The following WDFY2 variants were observed in gnomAD, a reference collection of about 807,000 sequenced individuals.
WDFY2 encodes the protein WD repeat and FYVE domain-containing protein 2.
In WDFY2, 36 loss-of-function variants were observed where a neutral mutation model predicts 56.4. The ratio of observed to expected loss-of-function variants is 0.64; its 90% CI spans 0.49 to 0.84. The LOEUF (loss-of-function observed/expected upper bound fraction) is 0.84, where lower values mean the gene tolerates loss of function less well. Ranked by LOEUF, WDFY2 falls within the 40% of genes least tolerant of loss-of-function variation. The pLI is 0.00. For synonymous variants in WDFY2, 176 were observed against 183.7 expected, an observed-to-expected ratio of 0.96 and a Z score of 0.34; for missense variants, 444 against 512.2, an observed-to-expected ratio of 0.87 and a Z score of 1.29.
At chr13:51,652,868 T>A (rs1187847907) in intron 1 of WDFY2, among the ~76,000 whole-genome samples, 3 of 152,214 alleles carry the variant, frequency 2.0e-5, no homozygotes, top group Admixed American at 6.5e-5. Context: ...TTGGTGAATC[T>A]GATAATTATG....
chr13:51,757,098 G>T (rs1312061336), intron 10 of WDFY2, among the ~76,000 whole-genome samples: 1 of 152,174 alleles, frequency 6.6e-6, no homozygotes, highest in Non-Finnish European at 1.5e-5. Flanking sequence ...CTTACAGGAG[G>T]ATCTGCAGGG....
intron 2 of WDFY2, among the ~76,000 whole-genome samples, chr13:51,661,041 TA>T (rs1415306909): frequency 6.6e-6 from 1 of 152,238 alleles, no homozygotes; most frequent in Non-Finnish European, 1.5e-5. Flanking sequence ...CTTATTGTTA[TA>T]TCATTTATTC....
intron 1 of WDFY2, among the ~76,000 whole-genome samples, chr13:51,649,083 G>T (rs1436517993): frequency 6.6e-6 from 1 of 152,218 alleles, no homozygotes; most frequent in Non-Finnish European, 1.5e-5. Context: ...GGAGGTGGAG[G>T]TTGCAGTGAG....
intron 3 of WDFY2, among the ~76,000 whole-genome samples, chr13:51,690,545 A>G (rs930634431): frequency 1.3e-4 from 19 of 151,958 alleles, no homozygotes; most frequent in Non-Finnish European, 2.5e-4. Context: ...TTATGGCTGC[A>G]TAGTATTCCA....
chr13:51,748,600 G>A (rs935663151), intron 7 of WDFY2, among the ~76,000 whole-genome samples: 3 of 151,952 alleles, frequency 2.0e-5, no homozygotes, highest in Non-Finnish European at 4.4e-5. Flanking sequence ...CTTTTCACAC[G>A]TGAGTACTCC....
intron 1 of WDFY2, among the ~76,000 whole-genome samples, chr13:51,642,478 T>G (rs1480169948): frequency 6.6e-6 from 1 of 151,602 alleles, no homozygotes; most frequent in Non-Finnish European, 1.5e-5. Context: ...TTTGTATTTT[T>G]GTAGAGATGG....
intron 2 of WDFY2, among the ~76,000 whole-genome samples, chr13:51,660,975 T>TA (rs1955601594): frequency 6.6e-6 from 1 of 152,228 alleles, no homozygotes; most frequent in Admixed American, 6.5e-5. Context: ...AGTATGTCCT[T>TA]AGGCAATTCA....
At chr13:51,597,344 T>C (rs1954170568) in intron 1 of WDFY2, among the ~76,000 whole-genome samples, 2 of 152,226 alleles carry the variant, frequency 1.3e-5, no homozygotes, top group African/African-American at 2.4e-5. Flanking sequence ...AAGAACTTCA[T>C]TGATGTCCTT....
chr13:51,675,368 C>T (rs565399926), intron 3 of WDFY2, 125 bp downstream of exon 3: 19 of 815,298 alleles, frequency 2.3e-5, no homozygotes, highest in Middle Eastern at 3.5e-4. Context: ...AAAATTGCAG[C>T]GTAGCAAATT....
intron 1 of WDFY2, among the ~76,000 whole-genome samples, chr13:51,635,560 CCT>C (rs1263672797): frequency 6.6e-6 from 1 of 152,162 alleles, no homozygotes; most frequent in Non-Finnish European, 1.5e-5. Context: ...CTGATTTCTT[CCT>C]CTCTCTGAGC....
chr13:51,593,508 GT>G (rs1179364386), intron 1 of WDFY2, among the ~76,000 whole-genome samples: 1 of 152,076 alleles, frequency 6.6e-6, no homozygotes, highest in Non-Finnish European at 1.5e-5. Context: ...AATGCTTATA[GT>G]TATGTATGCA....
At chr13:51,671,479 AT>A (rs1955805547) in intron 2 of WDFY2, among the ~76,000 whole-genome samples, 1 of 151,784 alleles carries the variant, frequency 6.6e-6, no homozygotes, top group South Asian at 2.1e-4. Flanking sequence ...ATGTTGAGCG[AT>A]TTTTCAAGTT....
chr13:51,630,952 G>A (rs1192394967), intron 1 of WDFY2, among the ~76,000 whole-genome samples: 1 of 150,938 alleles, frequency 6.6e-6, no homozygotes, highest in African/African-American at 2.4e-5. Context: ...CTAATTTTCT[G>A]TATTTTTAGT....
intron 1 of WDFY2, among the ~76,000 whole-genome samples, chr13:51,593,140 A>C (rs182420056): frequency 2.9e-4 from 44 of 152,292 alleles, no homozygotes; most frequent in Admixed American, 1.6e-3. Flanking sequence ...TTTTGCCAGC[A>C]CCTACCTAGA....
chr13:51,643,599 G>A (rs1955215170), intron 1 of WDFY2, among the ~76,000 whole-genome samples: 1 of 152,158 alleles, frequency 6.6e-6, no homozygotes, highest in East Asian at 1.9e-4. Context: ...CAGTTCAAGG[G>A]TGGTACTCAT....
chr13:51,606,577 A>G (rs1250436237), intron 1 of WDFY2, among the ~76,000 whole-genome samples: 3 of 152,158 alleles, frequency 2.0e-5, no homozygotes, highest in Non-Finnish European at 1.5e-5. Context: ...TTTATTAACA[A>G]ATATATTTTG....
intron 2 of WDFY2, among the ~76,000 whole-genome samples, chr13:51,666,789 A>G (rs905663760): frequency 6.6e-6 from 1 of 151,850 alleles, no homozygotes; most frequent in Non-Finnish European, 1.5e-5. Flanking sequence ...TATTGGTTTT[A>G]TTGTATCTGC....
chr13:51,749,610 C>A lies in WDFY2; in HGVS notation c.726-1700C>A, dbSNP rs572239760. ...TAGTGACATAAGGCACTTTTACATT[C>A]CCTTAAAGTGGCAAAAAATGAACTC... On this transcript the variant is annotated intron_variant, in intron 7 of 11. Coordinates refer to ENST00000298125, the MANE Select transcript of WDFY2 (RefSeq NM_052950.4). Among the ~76,000 whole-genome samples, 5 of 152,204 alleles carry A rather than the reference C, an allele frequency of 3.3e-5. No homozygotes were observed. In the East Asian group the frequency reaches 7.7e-4, roughly 23 times the overall value.
At chr13:51,699,508 A>G (rs568860433) in intron 3 of WDFY2, among the ~76,000 whole-genome samples, 8 of 152,352 alleles carry the variant, frequency 5.3e-5, no homozygotes, top group African/African-American at 1.7e-4. Flanking sequence ...GCTGTTTTTC[A>G]GAGAACCAGG....
Sources: gnomAD v4.1 joint callset for allele counts (sites outside exome capture counted in the v4.1 genomes callset) on GRCh38, gnomAD v4.1.1 for gene constraint, MANE v1.5 for transcripts, NCBI Gene and HGNC (gene_info 2026-07-23, HGNC 2026-07-21) for gene names.